ZBTB46: variants seen among roughly 807,000 people sequenced by gnomAD.
ZBTB46 encodes zinc finger and BTB domain-containing protein 46.
In ZBTB46, 8 loss-of-function variants were observed where a neutral mutation model predicts 44.1. That is an observed-to-expected ratio of 0.18 (90% confidence interval 0.11 to 0.33). The LOEUF is 0.33. Among genes scored for constraint, ZBTB46 ranks in the 10% least tolerant of loss-of-function variants. The pLI is 1.00. For missense variants in ZBTB46, 651 were observed against 847.7 expected (o/e 0.77, Z 2.88); for synonymous variants, 409 against 382.3 (o/e 1.07, Z -0.81).
intron 3 of ZBTB46, among the ~76,000 whole-genome samples, chr20:63,759,142 G>A (rs1446985213): frequency 2.0e-5 from 3 of 152,076 alleles, no homozygotes; most frequent in Non-Finnish European, 2.9e-5. Flanking sequence ...AGTTTTCTGT[G>A]TAGAGGTCTT....
intron 1 of ZBTB46, chr20:63,815,312 G>T (rs759978558): frequency 7.0e-6 from 2 of 285,382 alleles, no homozygotes; most frequent in Admixed American, 5.4e-5. Flanking sequence ...TGCAGTGGGT[G>T]CAGATGGGCA....
chr20:63,809,851 G>A (rs1291592850), intron 1 of ZBTB46, among the ~76,000 whole-genome samples: 2 of 151,864 alleles, frequency 1.3e-5, no homozygotes, highest in Non-Finnish European at 2.9e-5. Flanking sequence ...TAGTCCCCGC[G>A]ACTCTGGAGG....
At chr20:63,750,703 G>A (rs369793452) in intron 4 of ZBTB46, among the ~76,000 whole-genome samples, 17 of 152,042 alleles carry the variant, frequency 1.1e-4, no homozygotes, top group African/African-American at 4.1e-4. Context: ...CCAGGAGTTC[G>A]GGACTAGCCT....
upstream of ZBTB46, chr20:63,831,272 C>T (rs2092849878): frequency 7.2e-6 from 1 of 138,418 alleles, no homozygotes. Flanking sequence ...CGCGCCCCCG[C>T]GCCCGCTCCA....
chr20:63,787,993 C>T lies in ZBTB46; in HGVS notation c.937+1828G>A, dbSNP rs1568868832. ...ATCTGCGACATTTTTCAGGGCCTCC[C>T]ACCCTGCGGCTTGCTGTCTTTCGTC... On this transcript the variant is annotated intron_variant, in intron 2 of 4. Transcript: ENST00000245663. The surrounding 1 kb of genome is among the most constrained non-coding windows in gnomAD (Gnocchi z 4.6). 6.6e-6 allele frequency: 1 copy of T among 152,350 alleles called. No individual in the cohort carries two copies. The highest frequency in any genetic ancestry group is 2.4e-5 in the African/African-American group (1 of 41,456). The allele number at this position is 152,350 out of a possible 1,614,324, so 9.4% of individuals were successfully genotyped here. A position where few individuals can be genotyped will look rare whatever the true frequency, so the allele number is the denominator to read the frequency against.
chr20:63,763,899 T>C (rs1385545507), intron 3 of ZBTB46, among the ~76,000 whole-genome samples: 1 of 152,202 alleles, frequency 6.6e-6, no homozygotes, highest in Non-Finnish European at 1.5e-5. Context: ...ATTATAATTG[T>C]TGCTTTAAAC....
At chr20:63,774,625 C>G (rs558435644) in intron 3 of ZBTB46, among the ~76,000 whole-genome samples, 1 of 152,010 alleles carries the variant, frequency 6.6e-6, no homozygotes, top group East Asian at 1.9e-4. Flanking sequence ...AGCACCAGGC[C>G]TTGCCCGGGG....
intron 3 of ZBTB46, among the ~76,000 whole-genome samples, chr20:63,773,642 C>T (rs2092395105): frequency 6.6e-6 from 1 of 152,052 alleles, no homozygotes; most frequent in Non-Finnish European, 1.5e-5. Flanking sequence ...CGACGGCACC[C>T]ACGGGCATGT....
chr20:63,818,533 T>TA (rs2092773021), intron 1 of ZBTB46, among the ~76,000 whole-genome samples: 1 of 152,158 alleles, frequency 6.6e-6, no homozygotes, highest in Admixed American at 6.5e-5. Context: ...TCTCTCCTGA[T>TA]AGTTATGTAT....
At chr20:63,827,524 C>T (rs1055352039) in intron 1 of ZBTB46, among the ~76,000 whole-genome samples, 6 of 150,138 alleles carry the variant, frequency 4.0e-5, no homozygotes, top group Admixed American at 1.3e-4. Context: ...AGGAGAATGG[C>T]GTGAACCCGG....
intron 4 of ZBTB46, among the ~76,000 whole-genome samples, chr20:63,748,085 CTCAGCCCGACCCT>C (rs2092122185): frequency 6.9e-6 from 1 of 144,870 alleles, no homozygotes. Flanking sequence ...TCCCTGACCC[CTCAGCCCGACCCT>C]GACTCCAGGA....
intron 3 of ZBTB46, chr20:63,768,090 CACT>C: frequency 3.0e-6 from 3 of 985,454 alleles, no homozygotes; most frequent in Non-Finnish European, 3.6e-6. Context: ...GTTGTCCAAT[CACT>C]ACTAAGACAG....
chr20:63,767,862 A>C lies in ZBTB46; in HGVS notation c.1222+7816T>G. 1.0e-6 allele frequency: 1 copy of C among 984,304 alleles called. No homozygotes were observed. The highest frequency in any genetic ancestry group is 1.2e-6 in the Non-Finnish European group (1 of 828,884). The allele number at this position is 984,304 out of a possible 1,614,324, so 61.0% of individuals were successfully genotyped here. On this transcript the variant is annotated intron_variant, in intron 3 of 4. Coordinates refer to ENST00000245663, the MANE Select transcript of ZBTB46 (RefSeq NM_001369741.1). This position sits in a 1 kb window ranked among gnomAD's most constrained non-coding sequence, Gnocchi z 5.0. Reference sequence around the variant, plus strand: ...GTCCATCCAGGCCTGGGCTGGAAGAAGACTCCTCAGGCATCCTGGACAGGC... The same window carrying C: ...GTCCATCCAGGCCTGGGCTGGAAGACGACTCCTCAGGCATCCTGGACAGGC...
intron 3 of ZBTB46, among the ~76,000 whole-genome samples, chr20:63,763,244 CTTGT>C (rs1260990063): frequency 1.3e-5 from 2 of 152,198 alleles, no homozygotes; most frequent in East Asian, 1.9e-4. Context: ...AGGCTATCAT[CTTGT>C]TTTTTATTTG....
intron 1 of ZBTB46, among the ~76,000 whole-genome samples, chr20:63,798,336 G>A (rs950275482): frequency 1.3e-5 from 2 of 151,956 alleles, no homozygotes; most frequent in Non-Finnish European, 1.5e-5. Flanking sequence ...TGAGGGCTCT[G>A]TTCTGTTCTA....
chr20:63,751,005 C>T (rs1388851369), intron 4 of ZBTB46, among the ~76,000 whole-genome samples: 7 of 152,186 alleles, frequency 4.6e-5, no homozygotes, highest in Non-Finnish European at 7.3e-5. Context: ...GAGGTTAATA[C>T]GGATTTGCTG....
intron 1 of ZBTB46, among the ~76,000 whole-genome samples, chr20:63,802,915 G>A (rs1014654680): frequency 2.0e-5 from 3 of 152,146 alleles, no homozygotes; most frequent in African/African-American, 4.8e-5. Context: ...TCAGACCTCC[G>A]GCCTCCAGGA....
At chr20:63,821,300 T>C (rs993286069) in intron 1 of ZBTB46, among the ~76,000 whole-genome samples, 2 of 148,930 alleles carry the variant, frequency 1.3e-5, no homozygotes, top group Non-Finnish European at 3.0e-5. Flanking sequence ...CCTGAGCCCC[T>C]GTGCCTGGCC....
intron 2 of ZBTB46, among the ~76,000 whole-genome samples, chr20:63,782,909 C>A (rs1234874169): frequency 6.6e-6 from 1 of 152,154 alleles, no homozygotes; most frequent in Admixed American, 6.5e-5. Context: ...TGAGACTGGC[C>A]TGGGCAACAT....
Sources: gnomAD v4.1 joint callset for allele counts (sites outside exome capture counted in the v4.1 genomes callset) on GRCh38, gnomAD v4.1.1 for gene constraint, Gnocchi (gnomAD v3.1) non-coding constraint, MANE v1.5 for transcripts, NCBI Gene and HGNC (gene_info 2026-07-23, HGNC 2026-07-21) for gene names.